Variants in SYN2 observed in about 807,000 individuals in gnomAD.
SYN2 encodes the protein synapsin II, also known as synapsin-2.
Under a neutral mutation model 50.9 loss-of-function variants are expected in SYN2, and 19 were observed. That is an observed-to-expected ratio of 0.37 (90% CI 0.26 to 0.55). The LOEUF is 0.55. Ranked by LOEUF, SYN2 falls within the 20% of genes least tolerant of loss-of-function variation. SYN2 has a pLI of 0.81. For missense variants in SYN2, 587 were observed against 576.4 expected (o/e 1.02, Z -0.19); for synonymous variants, 255 against 224.9 (o/e 1.13, Z -1.20).
intron 7 of SYN2, among the ~76,000 whole-genome samples, chr3:12,163,376 C>T (rs1697704115): frequency 6.6e-6 from 1 of 152,054 alleles, no homozygotes; most frequent in South Asian, 2.1e-4. Flanking sequence ...TTCCCTTTCT[C>T]TTCCCCACCT....
At chr3:12,087,927 AC>A (rs1036912243) in intron 1 of SYN2, among the ~76,000 whole-genome samples, 18 of 150,752 alleles carry the variant, frequency 1.2e-4, no homozygotes, top group East Asian at 1.2e-3. Flanking sequence ...TAAAAAAAAA[AC>A]CCCTCAAAAT....
In SYN2 at chr3:12,128,007, G is replaced by A. The variant is rs146258975; in HGVS notation, c.378-12644G>A. On this transcript the variant is annotated intron_variant, in intron 1 of 12. Coordinates refer to ENST00000621198, the MANE Select transcript of SYN2 (RefSeq NM_133625.6). ...GTTGCCCAGGCTGGAGTGCAGTGGT[G>A]TGAACATGGCTCACTGCAGCCTCAA... Among the ~76,000 whole-genome samples the A allele has an allele frequency of 3.2e-4, 48 of 151,652 alleles. No individual in the cohort carries two copies. In the East Asian group the frequency reaches 8.9e-3, roughly 28 times the overall value.
chr3:12,132,627 T>G (rs2125210421), intron 1 of SYN2, among the ~76,000 whole-genome samples: 1 of 152,358 alleles, frequency 6.6e-6, no homozygotes, highest in Non-Finnish European at 1.5e-5. Flanking sequence ...TCATTTCATT[T>G]TGTTCTGTTT....
At chr3:12,095,600 T>A (rs1395227760) in intron 1 of SYN2, among the ~76,000 whole-genome samples, 1 of 127,056 alleles carries the variant, frequency 7.9e-6, no homozygotes, top group East Asian at 2.3e-4. Flanking sequence ...GTTGGACAGA[T>A]TTGGTGGGTA....
chr3:12,170,009 G>A, intron 10 of SYN2, 103 bp downstream of exon 10: 1 of 1,370,264 alleles, frequency 7.3e-7, no homozygotes, highest in Non-Finnish European at 9.7e-7. Context: ...GATGCCCACA[G>A]GCCTAAATGG....
intron 1 of SYN2, chr3:12,071,426 C>A: frequency 1.9e-6 from 1 of 526,810 alleles, no homozygotes; most frequent in South Asian, 1.5e-5. Flanking sequence ...TAAATTGCCC[C>A]TGGCAAATGC....
chr3:12,183,281 T>C (rs1698263523), intron 10 of SYN2, 31 bp from the exon 11 acceptor site: 1 of 1,588,004 alleles, frequency 6.3e-7, no homozygotes, highest in African/African-American at 1.4e-5. Flanking sequence ...CTTGGAGTTT[T>C]GTTTTTATCT....
At chr3:12,039,849 G>A (rs2125148196) in intron 1 of SYN2, among the ~76,000 whole-genome samples, 1 of 152,208 alleles carries the variant, frequency 6.6e-6, no homozygotes, top group Admixed American at 6.5e-5. Flanking sequence ...ATAAGATCAG[G>A]TCTTAATTCC....
chr3:12,085,165 A>T (rs1432239885), intron 1 of SYN2, among the ~76,000 whole-genome samples: 2 of 152,080 alleles, frequency 1.3e-5, no homozygotes, highest in Non-Finnish European at 2.9e-5. Flanking sequence ...TTAAGGACAC[A>T]TGTAGACTCA....
At chr3:12,086,958 C>G (rs1159477612) in intron 1 of SYN2, among the ~76,000 whole-genome samples, 1 of 152,066 alleles carries the variant, frequency 6.6e-6, no homozygotes, top group East Asian at 1.9e-4. Context: ...TTTAAAAATC[C>G]TAAAGACTCC....
At chr3:12,136,016 A>T (rs889282529) in intron 1 of SYN2, among the ~76,000 whole-genome samples, 1 of 152,220 alleles carries the variant, frequency 6.6e-6, no homozygotes, top group Non-Finnish European at 1.5e-5. Flanking sequence ...TTGTTACATA[A>T]TCTAGTGGTC....
chr3:12,191,708 T>C lies in SYN2; in HGVS notation c.*1083T>C, dbSNP rs1177404400. Among the ~76,000 whole-genome samples the C allele has an allele frequency of 2.0e-5, 3 of 152,142 alleles. No individual in the cohort carries two copies. Among genetic ancestry groups the C allele is most frequent in the African/African-American group, 7.2e-5 (3 of 41,426 alleles). ...GCGTTTCTACCTATATTACGGACTT[T>C]GTAACCTTTCAAATAAGCACAGAAC... On this transcript the variant is annotated 3_prime_UTR_variant, in exon 13 of 13. Transcript: ENST00000621198.
intron 1 of SYN2, among the ~76,000 whole-genome samples, chr3:12,084,034 A>G (rs1695637718): frequency 6.6e-6 from 1 of 152,200 alleles, no homozygotes; most frequent in African/African-American, 2.4e-5. Context: ...AACCCTGTTT[A>G]TGGCATCTCT....
intron 10 of SYN2, 143 bp from the exon 11 acceptor site, chr3:12,183,169 G>T (rs1012246283): frequency 8.5e-6 from 10 of 1,181,294 alleles, no homozygotes; most frequent in Non-Finnish European, 1.0e-5. Context: ...TTCTGGAGCA[G>T]CAGAAGCCTA....
chr3:12,094,756 G>A (rs1307192960), intron 1 of SYN2, among the ~76,000 whole-genome samples: 1 of 152,174 alleles, frequency 6.6e-6, no homozygotes, highest in African/African-American at 2.4e-5. Flanking sequence ...TTTGCTACTG[G>A]ATTGGTTATG....
At chr3:12,086,221 A>T (rs914681711) in intron 1 of SYN2, among the ~76,000 whole-genome samples, 15 of 152,306 alleles carry the variant, frequency 9.8e-5, no homozygotes, top group Admixed American at 2.0e-4. Flanking sequence ...AGATTGAATA[A>T]GTAATAAAAA....
At chr3:12,070,604 G>A (rs1695331148) in intron 1 of SYN2, 2 of 1,377,288 alleles carry the variant, frequency 1.5e-6, no homozygotes, top group Non-Finnish European at 9.9e-7. Flanking sequence ...CCCAGATCAT[G>A]TTTGAGACCT....
intron 4 of SYN2, 96 bp from the exon 5 acceptor site, chr3:12,151,141 A>G (rs1226110884): frequency 1.1e-6 from 1 of 876,994 alleles, no homozygotes. Flanking sequence ...AAAGTCCTCC[A>G]CAGAGCAAAT....
At chr3:12,141,774 GACTA>G in intron 2 of SYN2, 127 bp from the exon 3 acceptor site, 1 of 644,370 alleles carries the variant, frequency 1.6e-6, no homozygotes, top group South Asian at 1.8e-5. Flanking sequence ...ATTAGAATTA[GACTA>G]ACTCAGTATG....
Sources: allele counts gnomAD v4.1 joint callset (sites outside exome capture counted in the v4.1 genomes callset), GRCh38; gene constraint gnomAD v4.1.1; transcripts MANE v1.5; gene names NCBI Gene and HGNC (gene_info 2026-07-23, HGNC 2026-07-21).